The following NCOA7 variants were observed in gnomAD, a reference collection of about 807,000 sequenced individuals.
NCOA7 encodes the protein 140 kDa estrogen receptor-associated protein.
In NCOA7, 45 loss-of-function variants were observed where a neutral mutation model predicts 104.3. That is an observed-to-expected ratio of 0.43 (90% CI 0.34 to 0.55). NCOA7 has a LOEUF of 0.55. Ranked by LOEUF, NCOA7 falls within the 20% of genes least tolerant of loss-of-function variation. NCOA7 has a pLI of 0.02. For synonymous variants in NCOA7, 398 were observed against 402.3 expected (o/e 0.99, Z 0.13); for missense variants, 1,041 against 1,119.7 (o/e 0.93, Z 1.00).
chr6:125,844,757 C>A (rs1780453660), intron 2 of NCOA7, among the ~76,000 whole-genome samples: 1 of 152,104 alleles, frequency 6.6e-6, no homozygotes, highest in Non-Finnish European at 1.5e-5. Context: ...ATATTAATAC[C>A]TGGCATTTGT....
chr6:125,867,747 G>A (rs566773217), intron 3 of NCOA7, among the ~76,000 whole-genome samples: 21 of 152,242 alleles, frequency 1.4e-4, no homozygotes, highest in African/African-American at 2.6e-4. Context: ...GGTGGATACC[G>A]TGCCCAGAAA....
intron 2 of NCOA7, among the ~76,000 whole-genome samples, chr6:125,820,053 T>A (rs900587203): frequency 3.3e-5 from 5 of 152,158 alleles, no homozygotes; most frequent in African/African-American, 1.2e-4. Context: ...GTAGGTCCCT[T>A]GTTGGCTCCC....
At position 125,928,792 on chromosome 6, in the gene NCOA7, A is replaced by G; in HGVS notation, c.*21A>G. On this transcript the variant is annotated 3_prime_UTR_variant, in exon 16 of 16. Coordinates refer to ENST00000392477, the MANE Select transcript of NCOA7 (RefSeq NM_181782.5). ...ATTGAAATTCAGACTGCCTTAAAAT[A>G]TAACATTAAAAAGACTGGGTTCGAT... 1 of 1,604,928 alleles carries G rather than the reference A, an allele frequency of 6.2e-7. No homozygotes were observed. The highest frequency in any genetic ancestry group is 1.3e-5 in the African/African-American group (1 of 74,242).
At chr6:125,920,718 G>A (rs1264947519) in intron 11 of NCOA7, among the ~76,000 whole-genome samples, 1 of 152,134 alleles carries the variant, frequency 6.6e-6, no homozygotes, top group African/African-American at 2.4e-5. Context: ...CTTGTGACTT[G>A]TGACTTTAAT....
rs866003618 is a variant in NCOA7, at chr6:125,881,221, T to A, written c.573+18T>A. The A allele has an allele frequency of 4.6e-6, 7 of 1,507,354 alleles. No homozygotes were observed. In the Middle Eastern group the frequency reaches 1.2e-3, roughly 257 times the overall value. 93.4% of individuals were successfully genotyped at this position (1,507,354 alleles called of 1,614,324 possible). A position where few individuals can be genotyped will look rare whatever the true frequency, so the allele number is the denominator to read the frequency against. ...AATTGCCTGTATGTATATTATGCAC[T>A]GAAGTTCATTTTTATTAAAGAGACT... On this transcript the variant is annotated intron_variant, in intron 6 of 15. Coordinates refer to ENST00000392477, the MANE Select transcript of NCOA7 (RefSeq NM_181782.5).
intron 1 of NCOA7, among the ~76,000 whole-genome samples, chr6:125,792,873 A>G (rs185428471): frequency 6.6e-6 from 1 of 151,836 alleles, no homozygotes; most frequent in Admixed American, 6.6e-5. Context: ...TCTTTTTTCC[A>G]TCACATGAAT....
Position 125,929,691 on chromosome 6 carries a change from ATATT to A in NCOA7, c.*924_*927del, listed in dbSNP as rs1788348742. 1 of 152,182 alleles carries A rather than the reference ATATT, an allele frequency of 6.6e-6. No homozygotes were observed. Among genetic ancestry groups the A allele is most frequent in the African/African-American group, 2.4e-5 (1 of 41,442 alleles). 9.4% of individuals were successfully genotyped at this position (152,182 alleles called of 1,614,324 possible). On this transcript the variant is annotated 3_prime_UTR_variant, in exon 16 of 16. Transcript: ENST00000392477. ...CATCATTTCTCACAGTCTTAAGTTGATATTTATAGAAATGAATACCTTTGTGAAC... is the reference window on the plus strand; with the variant it reads ...CATCATTTCTCACAGTCTTAAGTTGATATAGAAATGAATACCTTTGTGAAC...
At chr6:125,906,818 A>G (rs1786053009) in intron 10 of NCOA7, among the ~76,000 whole-genome samples, 1 of 152,128 alleles carries the variant, frequency 6.6e-6, no homozygotes, top group African/African-American at 2.4e-5. Context: ...CTGGGAAATG[A>G]CCCACTAGGA....
intron 2 of NCOA7, among the ~76,000 whole-genome samples, chr6:125,839,789 C>A (rs1779965654): frequency 6.6e-6 from 1 of 152,070 alleles, no homozygotes. Context: ...CATAGTGCAA[C>A]ACATTACTCA....
intron 2 of NCOA7, among the ~76,000 whole-genome samples, chr6:125,821,618 A>C (rs749523447): frequency 1.2e-4 from 19 of 152,214 alleles, no homozygotes; most frequent in Admixed American, 1.2e-3. Context: ...TAATTTGTTT[A>C]TAACTTGACA....
chr6:125,812,840 T>C (rs1027601386), intron 1 of NCOA7, among the ~76,000 whole-genome samples: 5 of 152,190 alleles, frequency 3.3e-5, no homozygotes, highest in African/African-American at 1.2e-4. Context: ...AGCAGAAACT[T>C]GGAGGACATC....
At chr6:125,911,761 C>T (rs1025396774) in intron 10 of NCOA7, among the ~76,000 whole-genome samples, 4 of 152,204 alleles carry the variant, frequency 2.6e-5, no homozygotes, top group African/African-American at 7.2e-5. Flanking sequence ...GTTCCATCTT[C>T]GCAATCAGAT....
chr6:125,817,538 T>A (rs928738190), intron 2 of NCOA7, among the ~76,000 whole-genome samples: 3 of 152,264 alleles, frequency 2.0e-5, no homozygotes, highest in Non-Finnish European at 4.4e-5. Context: ...AACATTTTCA[T>A]GTGCTTATTA....
chr6:125,926,127 G>A (rs775498190), intron 13 of NCOA7, among the ~76,000 whole-genome samples: 6 of 151,944 alleles, frequency 3.9e-5, no homozygotes, highest in South Asian at 2.1e-4. Context: ...CCTGACCAAC[G>A]TGGTGAAACC....
intron 1 of NCOA7, among the ~76,000 whole-genome samples, chr6:125,803,180 G>C (rs956689307): frequency 6.6e-6 from 1 of 152,144 alleles, no homozygotes; most frequent in Admixed American, 6.5e-5. Flanking sequence ...CTGAATTGTG[G>C]TTTTCAGGGA....
intron 2 of NCOA7, among the ~76,000 whole-genome samples, chr6:125,824,168 C>T (rs1217239076): frequency 6.6e-6 from 1 of 152,070 alleles, no homozygotes; most frequent in African/African-American, 2.4e-5. Flanking sequence ...AATATACTTA[C>T]CCACACTACA....
chr6:125,795,176 C>CT (rs1320767413), intron 1 of NCOA7, among the ~76,000 whole-genome samples: 2 of 152,084 alleles, frequency 1.3e-5, no homozygotes, highest in Non-Finnish European at 2.9e-5. Flanking sequence ...AAAGATTGGC[C>CT]TTTCTCAAGG....
chr6:125,928,122 C>A, intron 14 of NCOA7, 52 bp from the exon 15 acceptor site: 1 of 1,475,786 alleles, frequency 6.8e-7, no homozygotes, highest in Non-Finnish European at 9.4e-7. Flanking sequence ...TTCCTCATTG[C>A]TAATTCTCCA....
intron 1 of NCOA7, among the ~76,000 whole-genome samples, chr6:125,795,734 C>G (rs1775256940): frequency 6.6e-6 from 1 of 152,150 alleles, no homozygotes; most frequent in Admixed American, 6.6e-5. Flanking sequence ...ATCTGCACAT[C>G]TTACCCTGGT....
Sources: allele counts gnomAD v4.1 joint callset (sites outside exome capture counted in the v4.1 genomes callset), GRCh38; gene constraint gnomAD v4.1.1; transcripts MANE v1.5; gene names NCBI Gene and HGNC (gene_info 2026-07-23, HGNC 2026-07-21).